NAALAD2: variants seen among roughly 807,000 people sequenced by gnomAD.
NAALAD2 encodes N-acetylated-alpha-linked acidic dipeptidase 2.
In NAALAD2, 89 loss-of-function variants were observed where a neutral mutation model predicts 95.6. The ratio of observed to expected loss-of-function variants is 0.93; its 90% confidence interval spans 0.78 to 1.11. The LOEUF (loss-of-function observed/expected upper bound fraction) is 1.11. Among genes scored for constraint, NAALAD2 ranks in the 50% least tolerant of loss-of-function variants. The pLI, the probability that NAALAD2 is intolerant of heterozygous loss-of-function variation, is 0.00. For synonymous variants in NAALAD2, 264 were observed against 294.4 expected (o/e 0.90, Z 1.06); for missense variants, 894 against 872.4 (o/e 1.02, Z -0.31).
intron 15 of NAALAD2, among the ~76,000 whole-genome samples, chr11:90,176,767 C>CT (rs1462285210): frequency 6.6e-6 from 1 of 152,200 alleles, no homozygotes; most frequent in Non-Finnish European, 1.5e-5. Context: ...TACAGTACAT[C>CT]TAAATCTTGC....
chr11:90,182,378 C>T (rs753237741), intron 17 of NAALAD2, among the ~76,000 whole-genome samples: 5 of 152,108 alleles, frequency 3.3e-5, no homozygotes, highest in Non-Finnish European at 7.4e-5. Flanking sequence ...TAAGGGACCT[C>T]ATTCTCCTTT....
At chr11:90,155,978 C>G (rs982746516) in intron 6 of NAALAD2, among the ~76,000 whole-genome samples, 3 of 148,860 alleles carry the variant, frequency 2.0e-5, no homozygotes, top group Non-Finnish European at 4.5e-5. Context: ...TGCATTTTCT[C>G]AAAGATTTTT....
chr11:90,162,131 T>C (rs1182890911), intron 8 of NAALAD2, among the ~76,000 whole-genome samples: 1 of 152,150 alleles, frequency 6.6e-6, no homozygotes, highest in East Asian at 1.9e-4. Context: ...TCTCCCTACC[T>C]TTAGAATAAA....
At chr11:90,174,389 T>C (rs559857366) in intron 14 of NAALAD2, among the ~76,000 whole-genome samples, 11 of 152,066 alleles carry the variant, frequency 7.2e-5, no homozygotes, top group Admixed American at 2.0e-4. Flanking sequence ...TTAGCCAGCA[T>C]GTGAAGTCTT....
At chr11:90,140,022 T>C (rs1286650164) in intron 2 of NAALAD2, among the ~76,000 whole-genome samples, 1 of 152,158 alleles carries the variant, frequency 6.6e-6, no homozygotes, top group Non-Finnish European at 1.5e-5. Context: ...ATTCAAGGTT[T>C]ACAGTATTGT....
intron 7 of NAALAD2, 77 bp downstream of exon 7, chr11:90,158,315 C>T (rs777989801): frequency 3.0e-6 from 3 of 1,014,532 alleles, no homozygotes; most frequent in Non-Finnish European, 4.6e-6. Context: ...ACCAATATGG[C>T]ATTCTTATGT....
chr11:90,135,520 G>C, intron 1 of NAALAD2, 39 bp from the exon 2 acceptor site: 1 of 1,408,576 alleles, frequency 7.1e-7, no homozygotes, highest in Non-Finnish European at 9.8e-7. Context: ...AAGTGATTTT[G>C]TGTGTATGTG....
chr11:90,143,783 G>A (rs1951679658), intron 2 of NAALAD2, among the ~76,000 whole-genome samples: 1 of 152,118 alleles, frequency 6.6e-6, no homozygotes, highest in Non-Finnish European at 1.5e-5. Flanking sequence ...GGATTTATCA[G>A]GGTATTAAAT....
intron 6 of NAALAD2, 76 bp downstream of exon 6, chr11:90,152,560 T>C (rs975309843): frequency 1.7e-6 from 2 of 1,160,394 alleles, no homozygotes; most frequent in African/African-American, 1.5e-5. Context: ...CAAGCAAGCA[T>C]GTTCAGAATA....
intron 2 of NAALAD2, among the ~76,000 whole-genome samples, chr11:90,144,953 G>A (rs1172782349): frequency 6.6e-6 from 1 of 151,960 alleles, no homozygotes; most frequent in Admixed American, 6.6e-5. Context: ...TTTTAACAGA[G>A]CCTCAACTTT....
At chr11:90,146,306 G>C (rs1951748145) in intron 2 of NAALAD2, among the ~76,000 whole-genome samples, 1 of 144,980 alleles carries the variant, frequency 6.9e-6, no homozygotes, top group Admixed American at 6.9e-5. Context: ...AATTAAAAAA[G>C]GGTTTATTTT....
At position 90,170,973 on chromosome 11, in the gene NAALAD2, CA is replaced by C. The variant is rs566148344; in HGVS notation, c.1410+839del. Reference sequence around the variant, plus strand: ...GGAGAAATCATTAAAGAATTTCTAACAAGGTTGTTCATTGTTTTATGTCAGT... The same window carrying C: ...GGAGAAATCATTAAAGAATTTCTAACAGGTTGTTCATTGTTTTATGTCAGT... On this transcript the variant is annotated intron_variant, in intron 13 of 18. Coordinates refer to ENST00000534061, the MANE Select transcript of NAALAD2 (RefSeq NM_005467.4). Among the ~76,000 whole-genome samples the C allele has an allele frequency of 4.1e-4, 62 of 152,214 alleles. No homozygotes were observed. In the Middle Eastern group the frequency reaches 0.014, roughly 33 times the overall value.
chr11:90,132,429 TA>T, upstream of NAALAD2, among the ~76,000 whole-genome samples: 1 of 152,196 alleles, frequency 6.6e-6, no homozygotes. Flanking sequence ...TTCCTGGAGA[TA>T]ATTTTGATCT....
intron 4 of NAALAD2, among the ~76,000 whole-genome samples, chr11:90,149,715 G>A (rs1951838956): frequency 6.6e-6 from 1 of 152,142 alleles, no homozygotes; most frequent in African/African-American, 2.4e-5. Flanking sequence ...TGGGATTACA[G>A]GCGTGAGCTA....
At chr11:90,166,847 A>G (rs1214887371) in intron 11 of NAALAD2, among the ~76,000 whole-genome samples, 1 of 135,070 alleles carries the variant, frequency 7.4e-6, no homozygotes, top group Non-Finnish European at 1.6e-5. Flanking sequence ...AAAAAAAAAA[A>G]AAAAAGAAAA....
chr11:90,164,394 T>C (rs1341346291), intron 11 of NAALAD2: 2 of 152,284 alleles, frequency 1.3e-5, no homozygotes, highest in Non-Finnish European at 2.9e-5. Flanking sequence ...AGGGTACAAG[T>C]GCAGGTATGT....
intron 4 of NAALAD2, 126 bp from the exon 5 acceptor site, chr11:90,150,356 G>C (rs1357714084): frequency 3.8e-6 from 2 of 529,152 alleles, no homozygotes; most frequent in East Asian, 6.3e-5. Context: ...CTGTGGGTCT[G>C]TTTATTACTC....
chr11:90,163,364 A>C lies in NAALAD2; in HGVS notation c.1130A>C (p.Asp377Ala). The change falls in exon 10 of 19, where the codon GAC becomes GCC. Residue 377 changes from aspartate (D) to alanine (A), a missense_variant. By Grantham distance (126) the Asp-to-Ala change is moderately radical. Transcript: ENST00000534061. ...GACTCCTGGGTATTTGGAGCTATTG[A>C]CCCAACCAGTGGGGTTGCTGTTTTG... ...HRDSWVFGAI[D>A]PTSGVAVLQE... 6.2e-7 allele frequency: 1 copy of C among 1,614,072 alleles called. No individual in the cohort carries two copies. Among genetic ancestry groups the C allele is most frequent in the Non-Finnish European group, 8.5e-7 (1 of 1,179,928 alleles).
chr11:90,192,219 C>G lies in NAALAD2; in HGVS notation c.*472C>G, dbSNP rs1857349295. 2 of 152,080 alleles carry G rather than the reference C, an allele frequency of 1.3e-5. No individual in the cohort carries two copies. Among genetic ancestry groups the G allele is most frequent in the East Asian group, 3.9e-4 (2 of 5,182 alleles). 9.4% of individuals were successfully genotyped at this position (152,080 alleles called of 1,614,324 possible). On this transcript the variant is annotated 3_prime_UTR_variant, in exon 19 of 19. Coordinates refer to ENST00000534061, the MANE Select transcript of NAALAD2 (RefSeq NM_005467.4). The stretch of plus-strand genomic sequence containing the variant: ...ATTGCAACTTAAAAGCGTAAAAACC[C>G]CAAATGTCCATCCACAGACGAATGT...
Sources: allele counts gnomAD v4.1 joint callset (sites outside exome capture counted in the v4.1 genomes callset), GRCh38; gene constraint gnomAD v4.1.1; transcripts MANE v1.5; gene names NCBI Gene and HGNC (gene_info 2026-07-23, HGNC 2026-07-21).